RIMS4: variants seen among roughly 807,000 people sequenced by gnomAD.
RIMS4 encodes regulating synaptic membrane exocytosis protein 4.
Under a neutral mutation model 29.0 loss-of-function variants are expected in RIMS4, and 9 were observed. That is an observed-to-expected ratio of 0.31 (90% CI 0.19 to 0.54). The LOEUF (loss-of-function observed/expected upper bound fraction) is 0.54. Ranked by LOEUF, RIMS4 falls within the 20% of genes least tolerant of loss-of-function variation. The pLI, the probability that RIMS4 is intolerant of heterozygous loss-of-function variation, is 0.94. For missense variants in RIMS4, 193 were observed against 365.7 expected, an observed-to-expected ratio of 0.53 and a Z score of 3.85; for synonymous variants, 130 against 152.9, an observed-to-expected ratio of 0.85 and a Z score of 1.10.
At chr20:44,786,288 A>G (rs947261356) in intron 1 of RIMS4, among the ~76,000 whole-genome samples, 1 of 152,110 alleles carries the variant, frequency 6.6e-6, no homozygotes, top group African/African-American at 2.4e-5. Context: ...CATCATTCCC[A>G]AACTGCTCCA....
intron 2 of RIMS4, among the ~76,000 whole-genome samples, chr20:44,767,915 C>T (rs889354271): frequency 5.3e-5 from 8 of 152,214 alleles, no homozygotes; most frequent in African/African-American, 1.9e-4. Flanking sequence ...CATTAAAATA[C>T]AGATTCTGAT....
At position 44,758,200 on chromosome 20, in the gene RIMS4, G is replaced by A. The variant is rs1393026293; in HGVS notation, c.237-16C>T. 1 of 1,578,230 alleles carries A rather than the reference G, an allele frequency of 6.3e-7. No homozygotes were observed. Among genetic ancestry groups the A allele is most frequent in the Non-Finnish European group, 8.7e-7 (1 of 1,152,762 alleles). ...ATAGTTAAGGCTGCAAGAGGAAAAG[G>A]TGAGACAAAGCACACATTCCCAGTG... On this transcript the variant is annotated splice_polypyrimidine_tract_variant and intron_variant, in intron 2 of 5. Transcript: ENST00000372851.
intron 2 of RIMS4, among the ~76,000 whole-genome samples, chr20:44,758,422 C>T (rs568213905): frequency 1.3e-5 from 2 of 152,340 alleles, no homozygotes; most frequent in South Asian, 2.1e-4. Flanking sequence ...CTGCAGCCCA[C>T]TCCACCCCCA....
At chr20:44,800,903 C>G (rs184346046) in intron 1 of RIMS4, among the ~76,000 whole-genome samples, 1 of 152,364 alleles carries the variant, frequency 6.6e-6, no homozygotes, top group South Asian at 2.1e-4. Flanking sequence ...GGAGGCCTGA[C>G]GCCAGCTGTG....
intron 1 of RIMS4, among the ~76,000 whole-genome samples, chr20:44,802,369 T>C (rs976064128): frequency 6.6e-6 from 1 of 152,220 alleles, no homozygotes; most frequent in African/African-American, 2.4e-5. Context: ...ATGCGGACAT[T>C]GAACCCCAGA....
chr20:44,790,289 G>A (rs984111409), intron 1 of RIMS4, among the ~76,000 whole-genome samples: 2 of 152,208 alleles, frequency 1.3e-5, no homozygotes, highest in Non-Finnish European at 2.9e-5. Context: ...AAGGAACTCA[G>A]GACACACTGT....
At chr20:44,793,990 G>C (rs1409293623) in intron 1 of RIMS4, among the ~76,000 whole-genome samples, 4 of 152,168 alleles carry the variant, frequency 2.6e-5, no homozygotes, top group Non-Finnish European at 4.4e-5. Flanking sequence ...GATCACTTGA[G>C]CCCAAGAGTT....
At position 44,757,070 on chromosome 20, in the gene RIMS4, G is replaced by A. The variant is rs77964707; in HGVS notation, c.452-33C>T. ...TAGAGGCCAGCAGGGGTGAGTTCTA[G>A]TTTGGCCCTCAAATGGTGGGCAAAG... On this transcript the variant is annotated intron_variant, in intron 4 of 5. Transcript: ENST00000372851. The A allele has an allele frequency of 4.4e-3, 7,081 of 1,605,070 alleles. 294 individuals are homozygous for A. The African/African-American group carries it at 0.082, about 19-fold the overall frequency.
intron 2 of RIMS4, among the ~76,000 whole-genome samples, chr20:44,768,365 T>C (rs1012641259): frequency 6.6e-6 from 1 of 152,184 alleles, no homozygotes; most frequent in Non-Finnish European, 1.5e-5. Context: ...GACCCAGCGG[T>C]GCCAGGGGCT....
intron 2 of RIMS4, among the ~76,000 whole-genome samples, chr20:44,768,939 G>T (rs1437037466): frequency 6.6e-6 from 1 of 152,178 alleles, no homozygotes; most frequent in Non-Finnish European, 1.5e-5. Context: ...TGGTCACTGT[G>T]CTAAGTTCTT....
intron 1 of RIMS4, among the ~76,000 whole-genome samples, chr20:44,784,740 G>A (rs1018514770): frequency 8.7e-4 from 133 of 152,280 alleles, no homozygotes; most frequent in Admixed American, 8.4e-3. Flanking sequence ...CCTTGATTTG[G>A]CCTTAGCAGA....
chr20:44,809,961 A>G (rs1431321906), intron 1 of RIMS4, among the ~76,000 whole-genome samples: 2 of 151,966 alleles, frequency 1.3e-5, no homozygotes, highest in East Asian at 3.9e-4. Flanking sequence ...CCTGCGGGAA[A>G]GGTGAATGCA....
rs937176687 is a variant in RIMS4 at position 44,753,319 on chromosome 20, G to T, written c.*2815C>A. The T allele has an allele frequency of 6.6e-6, 1 of 152,512 alleles. No individual in the cohort carries two copies. The highest frequency in any genetic ancestry group is 2.4e-5 in the African/African-American group (1 of 41,452). The allele number at this position is 152,512 out of a possible 1,614,324, so 9.4% of individuals were successfully genotyped here. ...CTATTGGGAGGAGGGGACCCAGGCT[G>T]GGGGTGCCACTGAACACACAGGTGA... On this transcript the variant is annotated 3_prime_UTR_variant, in exon 6 of 6. Transcript: ENST00000372851.
At chr20:44,758,401 G>C (rs2145443037) in intron 2 of RIMS4, among the ~76,000 whole-genome samples, 1 of 152,272 alleles carries the variant, frequency 6.6e-6, no homozygotes, top group South Asian at 2.1e-4. Flanking sequence ...GAACTAATTA[G>C]ATACATAGAA....
intron 1 of RIMS4, among the ~76,000 whole-genome samples, chr20:44,808,935 C>T (rs2066310779): frequency 6.6e-6 from 1 of 152,146 alleles, no homozygotes; most frequent in Admixed American, 6.5e-5. Flanking sequence ...AGAGATAGTC[C>T]ATGTTTTCCT....
At chr20:44,776,681 T>C (rs997282637) in intron 1 of RIMS4, among the ~76,000 whole-genome samples, 1 of 152,190 alleles carries the variant, frequency 6.6e-6, no homozygotes. Flanking sequence ...TAATAACATA[T>C]AACCCTCAGG....
At chr20:44,809,826 G>A (rs2066315498) in intron 1 of RIMS4, among the ~76,000 whole-genome samples, 1 of 152,072 alleles carries the variant, frequency 6.6e-6, no homozygotes, top group Non-Finnish European at 1.5e-5. Flanking sequence ...AAAGCCCAGG[G>A]CTTGAAGAGT....
rs1296966888 is a variant in RIMS4 at position 44,773,310 on chromosome 20, T to TC, written c.98-1898dup. ...CTTTCCCTAGCTTGCATCTGCAGCC[T>TC]CCCCCGACCCTCTATCTCCACTGTT... On this transcript the variant is annotated intron_variant, in intron 1 of 5. Coordinates refer to ENST00000372851, the MANE Select transcript of RIMS4 (RefSeq NM_182970.4). Among the ~76,000 whole-genome samples the TC allele has an allele frequency of 8.5e-5, 13 of 152,106 alleles. No individual in the cohort carries two copies. In the South Asian group the frequency reaches 1.7e-3, roughly 19 times the overall value.
intron 2 of RIMS4, among the ~76,000 whole-genome samples, chr20:44,758,768 G>A (rs1470311807): frequency 6.6e-6 from 1 of 152,154 alleles, no homozygotes; most frequent in Admixed American, 6.5e-5. Context: ...CAAGAATCAG[G>A]CCTGGAAGCT....
Sources: gnomAD v4.1 joint callset for allele counts (sites outside exome capture counted in the v4.1 genomes callset) on GRCh38, gnomAD v4.1.1 for gene constraint, MANE v1.5 for transcripts, NCBI Gene and HGNC (gene_info 2026-07-23, HGNC 2026-07-21) for gene names.